The following LINGO2 variants were observed in gnomAD, a reference collection of about 807,000 sequenced individuals.
LINGO2 encodes the protein leucine rich repeat and Ig domain containing 2, also known as leucine-rich repeat and immunoglobulin-like domain-containing nogo receptor-interacting protein 2.
A neutral mutation model predicts 30.6 loss-of-function variants in LINGO2; 14 were observed. That is an observed-to-expected ratio of 0.46 (90% CI 0.30 to 0.72). The LOEUF (loss-of-function observed/expected upper bound fraction) is 0.72, where lower values mean the gene tolerates loss of function less well. Among genes scored for constraint, LINGO2 ranks in the 30% least tolerant of loss-of-function variants. The pLI is 0.07. For synonymous variants in LINGO2, 317 were observed against 288.5 expected (o/e 1.10, Z -1.00); for missense variants, 729 against 751.7 (o/e 0.97, Z 0.35).
chr9:27,945,710 G>A (rs988670285), downstream of LINGO2, among the ~76,000 whole-genome samples: 1 of 152,116 alleles, frequency 6.6e-6, no homozygotes, highest in African/African-American at 2.4e-5. Flanking sequence ...CAGAAGCCAT[G>A]AGGGAAAATT....
chr9:28,193,382 T>C (rs866946376), intron 4 of LINGO2, among the ~76,000 whole-genome samples: 24 of 152,258 alleles, frequency 1.6e-4, no homozygotes, highest in Middle Eastern at 3.4e-3. Context: ...TAATTTTTAT[T>C]TTTTAACTTT....
chr9:28,039,289 A>G (rs1408889980), intron 4 of LINGO2, among the ~76,000 whole-genome samples: 6 of 152,260 alleles, frequency 3.9e-5, no homozygotes, highest in African/African-American at 1.4e-4. Context: ...GAAAAGGCCA[A>G]TACACTTGAC....
At chr9:28,692,692 C>A in the LINGO2 span, among the ~76,000 whole-genome samples, 1 of 152,202 alleles carries the variant, frequency 6.6e-6, no homozygotes, top group Admixed American at 6.5e-5. Context: ...CTTACCTACT[C>A]AGTGAAACCT....
At chr9:28,935,942 G>A in the LINGO2 span, among the ~76,000 whole-genome samples, 1 of 152,034 alleles carries the variant, frequency 6.6e-6, no homozygotes, top group Non-Finnish European at 1.5e-5. Context: ...TGTTCTAGTA[G>A]CTAATTAAAA....
intron 2 of LINGO2, among the ~76,000 whole-genome samples, chr9:28,450,780 T>G (rs560927878): frequency 6.6e-6 from 1 of 152,070 alleles, no homozygotes; most frequent in Non-Finnish European, 1.5e-5. Flanking sequence ...CATGACTTTT[T>G]AAATGTATAT....
chr9:29,143,705 C>G, the LINGO2 span, among the ~76,000 whole-genome samples: 1 of 151,996 alleles, frequency 6.6e-6, no homozygotes, highest in Non-Finnish European at 1.5e-5. Context: ...AAAACTTTCC[C>G]CCATTCTGTA....
the LINGO2 span, among the ~76,000 whole-genome samples, chr9:28,895,842 A>G: frequency 6.6e-6 from 1 of 151,852 alleles, no homozygotes. Flanking sequence ...ATTTGAGGGG[A>G]AAAAAAACTT....
the LINGO2 span, among the ~76,000 whole-genome samples, chr9:29,070,923 A>G: frequency 6.6e-6 from 1 of 150,632 alleles, no homozygotes; most frequent in Admixed American, 6.7e-5. Flanking sequence ...CCCCTCTCCA[A>G]CCCCATCCTT....
chr9:28,873,283 T>TCA, the LINGO2 span, among the ~76,000 whole-genome samples: 1 of 149,086 alleles, frequency 6.7e-6, no homozygotes, highest in Non-Finnish European at 1.5e-5. Flanking sequence ...GGGAGGAGAA[T>TCA]CACTTGAACT....
chr9:28,708,240 T>G, the LINGO2 span, among the ~76,000 whole-genome samples: 16,524 of 152,146 alleles, frequency 0.11, 1,073 homozygotes, highest in East Asian at 0.19. Context: ...GATATATTCT[T>G]TAATGCCCTG....
At chr9:28,890,316 C>T in the LINGO2 span, among the ~76,000 whole-genome samples, 1 of 152,008 alleles carries the variant, frequency 6.6e-6, no homozygotes, top group Non-Finnish European at 1.5e-5. Flanking sequence ...TGTTAAAGGA[C>T]TGAGACCATA....
chr9:28,084,996 T>C (rs1029976786), intron 4 of LINGO2, among the ~76,000 whole-genome samples: 3 of 152,108 alleles, frequency 2.0e-5, no homozygotes, highest in Non-Finnish European at 4.4e-5. Flanking sequence ...TCTATGAGCA[T>C]TTTACACATA....
intron 1 of LINGO2, among the ~76,000 whole-genome samples, chr9:28,482,122 C>A (rs1433712788): frequency 6.6e-6 from 1 of 151,950 alleles, no homozygotes; most frequent in Non-Finnish European, 1.5e-5. Flanking sequence ...GATTTATAGT[C>A]CTTTGGGTAT....
chr9:28,885,420 TAC>T, the LINGO2 span, among the ~76,000 whole-genome samples: 4 of 144,388 alleles, frequency 2.8e-5, no homozygotes, highest in East Asian at 2.0e-4. Context: ...TAGATATATA[TAC>T]ACACACATAT....
Position 28,137,000 on chromosome 9 carries a change from G to A in LINGO2, c.-86-124595C>T, listed in dbSNP as rs559881602. Among the ~76,000 whole-genome samples the A allele has an allele frequency of 3.3e-5, 5 of 152,164 alleles. No homozygotes were observed. The East Asian group carries it at 9.7e-4, about 29-fold the overall frequency. On this transcript the variant is annotated intron_variant, in intron 4 of 5. Transcript: ENST00000379992. ...TGGTCTTCTCCTGCCTTCAGACATG[G>A]ACTCGGACTGGAATTTATGCCTTCA... is the stretch of plus-strand genomic sequence containing the variant.
chr9:28,663,296 G>A lies in LINGO2; in HGVS notation c.-365+6904C>T, dbSNP rs1054121428. 2.6e-5 allele frequency among the ~76,000 whole-genome samples: 4 copies of A among 151,992 alleles called. No individual in the cohort carries two copies. In the South Asian group the frequency reaches 8.3e-4, roughly 32 times the overall value. ...AGCAATTCTCCTGTCTCAGCCTCCTGAGTAGCTGGGACTACAGGTGCCGGC... is the reference window on the plus strand; with the variant it reads ...AGCAATTCTCCTGTCTCAGCCTCCTAAGTAGCTGGGACTACAGGTGCCGGC... On this transcript the variant is annotated intron_variant, in intron 1 of 5. Transcript: ENST00000379992.
At chr9:28,568,245 G>A (rs527919310) in intron 1 of LINGO2, among the ~76,000 whole-genome samples, 51 of 152,136 alleles carry the variant, frequency 3.4e-4, no homozygotes, top group African/African-American at 1.2e-3. Context: ...AATACCATAT[G>A]TTCTCACTTA....
At chr9:28,428,907 T>C (rs1823528017) in intron 2 of LINGO2, among the ~76,000 whole-genome samples, 1 of 152,160 alleles carries the variant, frequency 6.6e-6, no homozygotes, top group South Asian at 2.1e-4. Context: ...TGCATCCTAG[T>C]TCCCTTTGGT....
the LINGO2 span, among the ~76,000 whole-genome samples, chr9:29,055,938 G>GTATATATATATATATACATATA: frequency 1.0e-5 from 1 of 99,820 alleles, no homozygotes; most frequent in Non-Finnish European, 2.1e-5. Flanking sequence ...GTATGTGTGT[G>GTATATATATATATATACATATA]TGTATATATA....
Sources: gnomAD v4.1 joint callset for allele counts (sites outside exome capture counted in the v4.1 genomes callset) on GRCh38, gnomAD v4.1.1 for gene constraint, MANE v1.5 for transcripts, NCBI Gene and HGNC (gene_info 2026-07-23, HGNC 2026-07-21) for gene names.